The following KCNAB1 variants were observed in gnomAD, a reference collection of about 807,000 sequenced individuals.
KCNAB1 encodes the protein voltage-gated potassium channel subunit beta-1.
Under a neutral mutation model 64.6 loss-of-function variants are expected in KCNAB1, and 35 were observed. That is an observed-to-expected ratio of 0.54 (90% CI 0.41 to 0.72). The LOEUF is 0.72. KCNAB1 is among the 30% of genes least tolerant of loss of function. KCNAB1 has a pLI of 0.00. For missense variants in KCNAB1, 401 were observed against 512.9 expected, an observed-to-expected ratio of 0.78 and a Z score of 2.11; for synonymous variants, 177 against 183.8, an observed-to-expected ratio of 0.96 and a Z score of 0.30.
chr3:156,186,909 T>G (rs1560126894), intron 1 of KCNAB1, among the ~76,000 whole-genome samples: 1 of 151,564 alleles, frequency 6.6e-6, no homozygotes, highest in South Asian at 2.1e-4. Flanking sequence ...TGGAGTGCAA[T>G]GGTGTGATCA....
At chr3:156,175,112 C>T (rs1193486450) in intron 1 of KCNAB1, among the ~76,000 whole-genome samples, 2 of 152,174 alleles carry the variant, frequency 1.3e-5, no homozygotes, top group Non-Finnish European at 2.9e-5. Context: ...TCTGGACTGT[C>T]ATCAACAGAA....
intron 1 of KCNAB1, chr3:156,143,154 C>T: frequency 6.4e-7 from 1 of 1,562,580 alleles, no homozygotes; most frequent in Admixed American, 1.9e-5. Flanking sequence ...GTGCAATTAG[C>T]TTTGCTTCCT....
At chr3:156,414,844 C>T (rs1457755066) in intron 1 of KCNAB1, among the ~76,000 whole-genome samples, 2 of 152,082 alleles carry the variant, frequency 1.3e-5, no homozygotes, top group Admixed American at 6.5e-5. Flanking sequence ...TCAAGCCCCA[C>T]CTCCACAGAA....
intron 2 of KCNAB1, among the ~76,000 whole-genome samples, chr3:156,448,594 A>T (rs533029875): frequency 7.2e-5 from 11 of 152,280 alleles, no homozygotes; most frequent in African/African-American, 2.6e-4. Context: ...TCAGCCAAGG[A>T]GAAAGACTTT....
chr3:156,484,917 T>C (rs1462518234), intron 8 of KCNAB1, among the ~76,000 whole-genome samples: 1 of 152,148 alleles, frequency 6.6e-6, no homozygotes, highest in East Asian at 1.9e-4. Flanking sequence ...GTATATAAAC[T>C]TGGCTGAGTT....
At chr3:156,299,766 C>T (rs570705689) in intron 1 of KCNAB1, among the ~76,000 whole-genome samples, 1 of 152,190 alleles carries the variant, frequency 6.6e-6, no homozygotes, top group African/African-American at 2.4e-5. Context: ...AGAGCATTCA[C>T]ACAGGCCATC....
intron 1 of KCNAB1, among the ~76,000 whole-genome samples, chr3:156,362,654 TAATC>T (rs1410626489): frequency 6.6e-6 from 1 of 152,234 alleles, no homozygotes; most frequent in Non-Finnish European, 1.5e-5. Flanking sequence ...ACAGAACTGA[TAATC>T]AATGATAAGT....
intron 1 of KCNAB1, among the ~76,000 whole-genome samples, chr3:156,263,144 A>T (rs1171803425): frequency 6.6e-6 from 1 of 151,618 alleles, no homozygotes; most frequent in Non-Finnish European, 1.5e-5. Context: ...TCTAATCTTC[A>T]TTAATTCTTT....
chr3:156,449,298 GT>G (rs1370455802), intron 2 of KCNAB1, among the ~76,000 whole-genome samples: 8 of 152,080 alleles, frequency 5.3e-5, no homozygotes, highest in African/African-American at 1.2e-4. Context: ...ACCAAAACAT[GT>G]TTCAGGCCCT....
At chr3:156,498,646 G>A (rs1439334946) in intron 8 of KCNAB1, among the ~76,000 whole-genome samples, 1 of 152,130 alleles carries the variant, frequency 6.6e-6, no homozygotes, top group Non-Finnish European at 1.5e-5. Flanking sequence ...ACTAATACAT[G>A]ACCTAATTAA....
At chr3:156,441,288 CCA>C (rs1023696550) in intron 2 of KCNAB1, 1 of 151,938 alleles carries the variant, frequency 6.6e-6, no homozygotes, top group African/African-American at 2.4e-5. Flanking sequence ...ATTCACTGAA[CCA>C]TCAAAAAATA....
intron 1 of KCNAB1, among the ~76,000 whole-genome samples, chr3:156,122,003 A>G (rs974063178): frequency 2.6e-5 from 4 of 152,242 alleles, no homozygotes; most frequent in African/African-American, 9.6e-5. Context: ...GCAGCAATAA[A>G]TAGATATTTT....
At chr3:156,493,036 G>T (rs1343195336) in intron 8 of KCNAB1, among the ~76,000 whole-genome samples, 1 of 152,100 alleles carries the variant, frequency 6.6e-6, no homozygotes, top group Non-Finnish European at 1.5e-5. Flanking sequence ...CCACACAAAT[G>T]GGATAAAAAT....
intron 1 of KCNAB1, among the ~76,000 whole-genome samples, chr3:156,323,508 C>A (rs554059564): frequency 4.6e-5 from 7 of 152,142 alleles, no homozygotes; most frequent in Non-Finnish European, 8.8e-5. Flanking sequence ...TGTACATTGA[C>A]CCCCATGTCC....
intron 1 of KCNAB1, among the ~76,000 whole-genome samples, chr3:156,406,447 G>A (rs1714254270): frequency 1.3e-5 from 2 of 152,172 alleles, no homozygotes; most frequent in African/African-American, 4.8e-5. Flanking sequence ...TGAGAGGTCT[G>A]AGCACAGCAG....
At chr3:156,318,432 T>G (rs1417431523) in intron 1 of KCNAB1, among the ~76,000 whole-genome samples, 1 of 151,526 alleles carries the variant, frequency 6.6e-6, no homozygotes, top group Non-Finnish European at 1.5e-5. Context: ...CCACAGGGAG[T>G]GGACCCCCAG....
chr3:156,527,179 T>G (rs1718368247), intron 12 of KCNAB1, among the ~76,000 whole-genome samples: 1 of 152,234 alleles, frequency 6.6e-6, no homozygotes, highest in Admixed American at 6.5e-5. Context: ...ATGTTATTAC[T>G]TAGCAACTCT....
In KCNAB1 at chr3:156,367,171, C is replaced by CTTTT. The variant is rs9331286; in HGVS notation, c.276-54428_276-54425dup. 5.9e-5 allele frequency among the ~76,000 whole-genome samples: 7 copies of CTTTT among 118,420 alleles called. 1 individual carries two copies. The highest frequency in any genetic ancestry group is 1.4e-4 in the African/African-American group (4 of 28,382). The allele number at this position is 118,420 out of a possible 152,430, so 77.7% of individuals were successfully genotyped here. A position where few individuals can be genotyped will look rare whatever the true frequency, so the allele number is the denominator to read the frequency against. ...CAAGTGGCATCTCAGAGTAATCTAC[C>CTTTT]TTTTTTTTTTTTTTTTTTTTCTGAG... On this transcript the variant is annotated intron_variant, in intron 1 of 13. Transcript: ENST00000490337.
At chr3:156,164,660 T>A (rs761597117) in intron 1 of KCNAB1, among the ~76,000 whole-genome samples, 11 of 152,208 alleles carry the variant, frequency 7.2e-5, no homozygotes, top group Non-Finnish European at 1.6e-4. Flanking sequence ...TTGGGTGTTT[T>A]CCCTGTCCAA....
Sources: allele counts gnomAD v4.1 joint callset (sites outside exome capture counted in the v4.1 genomes callset), GRCh38; gene constraint gnomAD v4.1.1; transcripts MANE v1.5; gene names NCBI Gene and HGNC (gene_info 2026-07-23, HGNC 2026-07-21).